RNLS: variants seen among roughly 807,000 people sequenced by gnomAD.
The protein encoded by RNLS is renalase, FAD dependent amine oxidase.
A neutral mutation model predicts 39.8 loss-of-function variants in RNLS; 39 were observed. That is an observed-to-expected ratio of 0.98 (90% CI 0.76 to 1.28). RNLS has a LOEUF of 1.28. RNLS is among the 50% of genes most tolerant of loss of function. The pLI is 0.00. For synonymous variants in RNLS, 147 were observed against 150.7 expected (o/e 0.98, Z 0.18); for missense variants, 410 against 413.3 (o/e 0.99, Z 0.07).
At chr10:88,209,969 G>A in the RNLS span, among the ~76,000 whole-genome samples, 4 of 152,198 alleles carry the variant, frequency 2.6e-5, no homozygotes, top group African/African-American at 9.6e-5. Context: ...CAAATTTATG[G>A]TTGTTTCACT....
chr10:88,377,102 C>T (rs1028862919), intron 4 of RNLS, among the ~76,000 whole-genome samples: 1 of 152,018 alleles, frequency 6.6e-6, no homozygotes, highest in African/African-American at 2.4e-5. Flanking sequence ...GTTAGCTACA[C>T]TTGAGTTTCT....
the RNLS span, among the ~76,000 whole-genome samples, chr10:88,194,319 C>A: frequency 6.6e-6 from 1 of 152,114 alleles, no homozygotes; most frequent in Non-Finnish European, 1.5e-5. Context: ...TTGTGATAGC[C>A]AAAAATGTCT....
At chr10:88,271,413 T>C (rs1416278504), downstream of RNLS, among the ~76,000 whole-genome samples, 1 of 152,218 alleles carries the variant, frequency 6.6e-6, no homozygotes, top group African/African-American at 2.4e-5. Context: ...AAAAGCAGCA[T>C]GTCTCAGGCC....
chr10:88,224,307 T>C, the RNLS span, among the ~76,000 whole-genome samples: 2 of 152,186 alleles, frequency 1.3e-5, no homozygotes, highest in Non-Finnish European at 2.9e-5. Context: ...CCTTTTCATC[T>C]TAACCACCTC....
At chr10:88,393,585 C>A (rs1163740950) in intron 4 of RNLS, among the ~76,000 whole-genome samples, 1 of 152,048 alleles carries the variant, frequency 6.6e-6, no homozygotes, top group Admixed American at 6.6e-5. Context: ...CATGGGTAGG[C>A]AGAATCAATA....
At chr10:88,458,373 C>T (rs1842753591) in intron 4 of RNLS, among the ~76,000 whole-genome samples, 1 of 152,188 alleles carries the variant, frequency 6.6e-6, no homozygotes. Flanking sequence ...GTTCCTTCCT[C>T]CTCCGGTAAT....
intron 4 of RNLS, among the ~76,000 whole-genome samples, chr10:88,462,888 A>C (rs903096173): frequency 2.6e-5 from 4 of 152,042 alleles, no homozygotes; most frequent in Non-Finnish European, 5.9e-5. Flanking sequence ...AGGTGATGAA[A>C]CAATTCTGTA....
chr10:88,240,424 A>ATTTTTTTTTT, the RNLS span, among the ~76,000 whole-genome samples: 1 of 152,100 alleles, frequency 6.6e-6, no homozygotes. Context: ...AAAAAAAAAA[A>ATTTTTTTTTT]AATTTAGGCT....
At chr10:88,187,186 T>A in the RNLS span, among the ~76,000 whole-genome samples, 113 of 10,742 alleles carry the variant, frequency 0.011, 7 homozygotes, top group African/African-American at 0.028. Flanking sequence ...ATAATATATA[T>A]AATATATATA....
At chr10:88,266,456 A>C in the RNLS span, among the ~76,000 whole-genome samples, 58 of 152,166 alleles carry the variant, frequency 3.8e-4, no homozygotes, top group African/African-American at 1.3e-3. Flanking sequence ...CCCCCTTTAC[A>C]ACTAACACAG....
chr10:88,350,318 A>G (rs792226), intron 5 of RNLS, among the ~76,000 whole-genome samples: 125,255 of 151,922 alleles, frequency 0.82, 51,803 homozygotes, highest in African/African-American at 0.88. Context: ...TGCCATGTTG[A>G]TGTGCTGCAT....
chr10:88,363,477 A>C (rs1325600803), intron 4 of RNLS, among the ~76,000 whole-genome samples: 1 of 152,098 alleles, frequency 6.6e-6, no homozygotes, highest in Non-Finnish European at 1.5e-5. Flanking sequence ...CATGTCATAG[A>C]GTGATTTGTT....
intron 4 of RNLS, among the ~76,000 whole-genome samples, chr10:88,526,765 CAA>C (rs1296366605): frequency 3.4e-5 from 4 of 118,530 alleles, no homozygotes; most frequent in Non-Finnish European, 3.6e-5. Context: ...GACTCTGTCT[CAA>C]AAAAAAAAAA....
chr10:88,176,243 C>T, the RNLS span, among the ~76,000 whole-genome samples: 1,617 of 151,868 alleles, frequency 0.011, 25 homozygotes, highest in African/African-American at 0.036. Flanking sequence ...GGCACAATCT[C>T]GGCTCACTGC....
the RNLS span, among the ~76,000 whole-genome samples, chr10:88,177,624 C>T: frequency 9.2e-5 from 14 of 151,930 alleles, no homozygotes; most frequent in African/African-American, 3.4e-4. Context: ...TTATTTTTTT[C>T]CTTTGTAAGT....
the RNLS span, among the ~76,000 whole-genome samples, chr10:88,224,863 A>AT: frequency 6.6e-6 from 1 of 152,212 alleles, no homozygotes; most frequent in African/African-American, 2.4e-5. Context: ...TATTATATGC[A>AT]TTGTCTCATT....
intron 4 of RNLS, among the ~76,000 whole-genome samples, chr10:88,524,054 A>G (rs1846926571): frequency 6.6e-6 from 1 of 152,044 alleles, no homozygotes. Flanking sequence ...CCTTGTTTCT[A>G]TCACAGCTTT....
rs1353268441 is a variant in RNLS, at chr10:88,285,186, A to G, written c.*168T>C. ...GAATTTCCATTCTAGCATGGGTTGT[A>G]ACTATCAAAATTACAAAATTGATTT... On this transcript the variant is annotated 3_prime_UTR_variant, in exon 7 of 7. Coordinates refer to ENST00000331772, the MANE Select transcript of RNLS (RefSeq NM_001031709.3). 7.8e-7 allele frequency: 1 copy of G among 1,285,256 alleles called. No homozygotes were observed. Among genetic ancestry groups the G allele is most frequent in the East Asian group, 3.1e-5 (1 of 32,138 alleles). The allele number at this position is 1,285,256 out of a possible 1,614,324, so 79.6% of individuals were successfully genotyped here.
At chr10:88,489,040 A>G (rs1390703100) in intron 4 of RNLS, among the ~76,000 whole-genome samples, 1 of 152,170 alleles carries the variant, frequency 6.6e-6, no homozygotes, top group African/African-American at 2.4e-5. Flanking sequence ...TTACCTCGAA[A>G]TTCAAGCATT....
Sources: allele counts gnomAD v4.1 joint callset (sites outside exome capture counted in the v4.1 genomes callset), GRCh38; gene constraint gnomAD v4.1.1; transcripts MANE v1.5; gene names NCBI Gene and HGNC (gene_info 2026-07-23, HGNC 2026-07-21).